Variants in ABR observed in about 807,000 individuals in gnomAD.
ABR encodes the protein active breakpoint cluster region-related protein.
In ABR, 35 loss-of-function variants were observed where a neutral mutation model predicts 107.2. The observed-to-expected ratio is 0.33, with a 90% CI of 0.25 to 0.43. ABR has a LOEUF of 0.43. Among genes scored for constraint, ABR ranks in the 20% least tolerant of loss-of-function variants. The pLI is 1.00. For synonymous variants in ABR, 498 were observed against 462.0 expected, an observed-to-expected ratio of 1.08 and a Z score of -1.00; for missense variants, 815 against 1,115.2, an observed-to-expected ratio of 0.73 and a Z score of 3.83.
rs758302898 is a variant in ABR, at chr17:1,067,115, T to C, written c.1144A>G (p.Met382Val). The change falls in exon 10 of 23, where the codon ATG becomes GTG. Residue 382 changes from methionine to valine, a missense_variant. Transcript: ENST00000302538. Reference sequence around the variant, plus strand: ...TCACTCTTGAGGGCAGAGATCTTCATCTTCATGTCCTCCAGCTCATGGTCT... The same window carrying C: ...TCACTCTTGAGGGCAGAGATCTTCACCTTCATGTCCTCCAGCTCATGGTCT... ...FPDHELEDMKMKISALKSEIQ... is the reference protein window; with the variant it reads ...FPDHELEDMKVKISALKSEIQ... 2.5e-6 allele frequency: 4 copies of C among 1,613,798 alleles called. No homozygotes were observed.
chr17:1,112,044 G>A (rs2038702918), intron 2 of ABR, among the ~76,000 whole-genome samples: 2 of 152,126 alleles, frequency 1.3e-5, no homozygotes, highest in Admixed American at 1.3e-4. Context: ...AAGTCCTTCG[G>A]TTCTTCTTTT....
chr17:1,073,937 C>T (rs1354053306), intron 6 of ABR, among the ~76,000 whole-genome samples: 6 of 151,882 alleles, frequency 4.0e-5, no homozygotes, highest in East Asian at 1.9e-4. Flanking sequence ...ATGGCTTCAT[C>T]GAGAGCCGCC....
At chr17:1,042,584 C>T (rs557000609) in intron 16 of ABR, among the ~76,000 whole-genome samples, 9 of 91,500 alleles carry the variant, frequency 9.8e-5, no homozygotes, top group African/African-American at 2.6e-4. Flanking sequence ...ATGGCACCTA[C>T]GTCCACAGAC....
rs543158566 is a variant in ABR, at chr17:1,051,266, C to T, written c.1562-632G>A. 3.9e-5 allele frequency among the ~76,000 whole-genome samples: 6 copies of T among 152,308 alleles called. No individual in the cohort carries two copies. The highest frequency in any genetic ancestry group is 1.3e-4 in the Admixed American group (2 of 15,296). ...CTACTCGTGCGTCCCTAGTCTCTCT[C>T]CCCCCACGACGTAAACACCATGTGG... On this transcript the variant is annotated intron_variant, in intron 14 of 22. Transcript: ENST00000302538. This position sits in a 1 kb window ranked among gnomAD's most constrained non-coding sequence, Gnocchi z 4.3.
chr17:1,071,091 G>A lies in ABR; in HGVS notation c.895-1001C>T, dbSNP rs185299625. On this transcript the variant is annotated intron_variant, in intron 8 of 22. Coordinates refer to ENST00000302538, the MANE Select transcript of ABR (RefSeq NM_021962.5). The surrounding 1 kb of genome is among the most constrained non-coding windows in gnomAD (Gnocchi z 5.1). ...GGCAGGAGAATTGCTTGAACCCAGA[G>A]GGTGGAGGCTGCAGTGGAGCTGAGG... Among the ~76,000 whole-genome samples, 99 of 152,234 alleles carry A rather than the reference G, an allele frequency of 6.5e-4. No homozygotes were observed. Among genetic ancestry groups the A allele is most frequent in the Non-Finnish European group, 1.3e-4 (9 of 68,006 alleles).
chr17:1,134,142 G>A (rs1314624843), intron 1 of ABR, among the ~76,000 whole-genome samples: 1 of 152,154 alleles, frequency 6.6e-6, no homozygotes, highest in Non-Finnish European at 1.5e-5. Flanking sequence ...TAGCCGGGTG[G>A]TGACTCACGC....
rs893375604 is a variant in ABR at position 1,078,832 on chromosome 17, A to T, written c.700+498T>A. On this transcript the variant is annotated intron_variant, in intron 6 of 22. Coordinates refer to ENST00000302538, the MANE Select transcript of ABR (RefSeq NM_021962.5). This position sits in a 1 kb window ranked among gnomAD's most constrained non-coding sequence, Gnocchi z 7.5. ...GGGTTACCATAGGTGCAGTTACAGC[A>T]GAAGCGAATAATGAGGAGAATCTCC... is the stretch of plus-strand genomic sequence containing the variant. 21 of 1,535,510 alleles carry T rather than the reference A, an allele frequency of 1.4e-5. No homozygotes were observed. The East Asian group carries it at 5.1e-4, about 38-fold the overall frequency.
chr17:1,121,642 T>G (rs894163458), intron 2 of ABR, among the ~76,000 whole-genome samples: 1 of 147,988 alleles, frequency 6.8e-6, no homozygotes, highest in Non-Finnish European at 1.5e-5. Flanking sequence ...CCTGCTGTGG[T>G]CTGAGAGCTG....
At chr17:1,113,068 G>A (rs537571911) in intron 2 of ABR, among the ~76,000 whole-genome samples, 26 of 142,848 alleles carry the variant, frequency 1.8e-4, no homozygotes, top group African/African-American at 7.4e-4. Context: ...GCACCAGGCA[G>A]TGTGCTAGCA....
At chr17:1,109,153 G>GT in intron 2 of ABR, 1 of 1,274,346 alleles carries the variant, frequency 7.8e-7, no homozygotes, top group Non-Finnish European at 1.1e-6. Flanking sequence ...AGGCGGGCGG[G>GT]AGGGGGGGCA....
intron 1 of ABR, among the ~76,000 whole-genome samples, chr17:1,221,490 C>A (rs547888713): frequency 6.6e-6 from 1 of 152,328 alleles, no homozygotes; most frequent in South Asian, 2.1e-4. Flanking sequence ...ACCATACTCT[C>A]GGCCGGACTG....
chr17:1,228,284 AAC>A (rs1372160098), intron 1 of ABR: 1 of 152,362 alleles, frequency 6.6e-6, no homozygotes, highest in African/African-American at 2.4e-5. Context: ...ACGTGGCCCC[AAC>A]ACACAGAGCA....
intron 1 of ABR, among the ~76,000 whole-genome samples, chr17:1,173,265 CAACACAT>C: frequency 7.2e-6 from 1 of 138,530 alleles, no homozygotes; most frequent in Non-Finnish European, 1.6e-5. Flanking sequence ...TCAGCCCACC[CAACACAT>C]CACCTCAGCC....
At position 1,069,998 on chromosome 17, in the gene ABR, C is replaced by T. The variant is rs1024756779; in HGVS notation, c.987G>A (p.Leu329=). ...RHVFLFTDVL[L]CAKLKKTSAG... ...CAGAGGTCTTCTTCAGCTTGGCACACAGTAGGACATCTGTAAAGAGGAAGA... is the reference window on the plus strand; with the variant it reads ...CAGAGGTCTTCTTCAGCTTGGCACATAGTAGGACATCTGTAAAGAGGAAGA... The change falls in exon 9 of 23, where the codon CTG becomes CTA. Residue 329 remains leucine (L), a synonymous_variant. Coordinates refer to ENST00000302538, the MANE Select transcript of ABR (RefSeq NM_021962.5). The T allele has an allele frequency of 1.9e-6, 3 of 1,612,948 alleles. 1 individual carries two copies. The East Asian group carries it at 6.7e-5, about 36-fold the overall frequency.
rs879649083 is a variant in ABR, at chr17:1,027,807, A to G, written c.1792-14643T>C. 1.3e-5 allele frequency among the ~76,000 whole-genome samples: 2 copies of G among 151,966 alleles called. No homozygotes were observed. Among genetic ancestry groups the G allele is most frequent in the Admixed American group, 6.6e-5 (1 of 15,262 alleles). On this transcript the variant is annotated intron_variant, in intron 16 of 22. Transcript: ENST00000302538. The surrounding 1 kb of genome is among the most constrained non-coding windows in gnomAD (Gnocchi z 4.7). ...CTTTCTTCCCACCGGGAAACAAGGA[A>G]GGGCGGTGGGCAGCCGGGCCAGGCC...
At chr17:1,223,849 A>G (rs890115399) in intron 1 of ABR, among the ~76,000 whole-genome samples, 7 of 152,150 alleles carry the variant, frequency 4.6e-5, no homozygotes, top group South Asian at 4.1e-4. Flanking sequence ...CGTGATCAGG[A>G]CAACAGCCCG....
intron 1 of ABR, among the ~76,000 whole-genome samples, chr17:1,208,461 G>C (rs919146472): frequency 2.6e-5 from 4 of 152,204 alleles, no homozygotes; most frequent in African/African-American, 9.7e-5. Flanking sequence ...GTCAGCCTGT[G>C]AAGAACCAGT....
chr17:1,088,152 G>A (rs973729508), intron 4 of ABR, among the ~76,000 whole-genome samples: 5 of 152,210 alleles, frequency 3.3e-5, no homozygotes. Flanking sequence ...ATGCTGGGGA[G>A]GGAAAGTGGT....
At chr17:1,018,174 C>G (rs1006618777) in intron 16 of ABR, among the ~76,000 whole-genome samples, 2 of 152,098 alleles carry the variant, frequency 1.3e-5, no homozygotes, top group Non-Finnish European at 2.9e-5. Context: ...TCCTGAGTAG[C>G]TGGGACTACA....
Sources: gnomAD v4.1 joint callset for allele counts (sites outside exome capture counted in the v4.1 genomes callset) on GRCh38, gnomAD v4.1.1 for gene constraint, Gnocchi (gnomAD v3.1) non-coding constraint, MANE v1.5 for transcripts, NCBI Gene and HGNC (gene_info 2026-07-23, HGNC 2026-07-21) for gene names.